CNTNAP5: variants seen among roughly 807,000 people sequenced by gnomAD.
CNTNAP5 encodes contactin-associated protein-like 5.
Under a neutral mutation model 150.2 loss-of-function variants are expected in CNTNAP5, and 72 were observed. That is an observed-to-expected ratio of 0.48 (90% confidence interval 0.40 to 0.58). CNTNAP5 has a LOEUF of 0.58. Ranked by LOEUF, CNTNAP5 falls within the 20% of genes least tolerant of loss-of-function variation. The pLI is 0.00. For missense variants in CNTNAP5, 1,636 were observed against 1,626.2 expected, an observed-to-expected ratio of 1.01 and a Z score of -0.10; for synonymous variants, 672 against 619.8, an observed-to-expected ratio of 1.08 and a Z score of -1.25.
chr2:124,720,582 A>G (rs1469001660), intron 13 of CNTNAP5, among the ~76,000 whole-genome samples: 1 of 152,174 alleles, frequency 6.6e-6, no homozygotes, highest in Non-Finnish European at 1.5e-5. Context: ...TTTTCAGGTG[A>G]CTCTACTGCG....
chr2:124,893,975 C>T (rs1678253281), intron 21 of CNTNAP5, among the ~76,000 whole-genome samples: 1 of 151,956 alleles, frequency 6.6e-6, no homozygotes, highest in Non-Finnish European at 1.5e-5. Context: ...TTAGATATAA[C>T]TCATCAAAAA....
At chr2:124,610,044 G>A (rs901124331) in intron 12 of CNTNAP5, 124 bp downstream of exon 12, 6 of 1,081,160 alleles carry the variant, frequency 5.5e-6, no homozygotes, top group Admixed American at 2.9e-5. Flanking sequence ...GTCTCCTTTG[G>A]GGAGGAAATG....
At chr2:124,108,774 C>T (rs1034322441) in intron 1 of CNTNAP5, among the ~76,000 whole-genome samples, 1 of 152,176 alleles carries the variant, frequency 6.6e-6, no homozygotes, top group Admixed American at 6.5e-5. Context: ...ACCACTTGTC[C>T]AGTACAGATA....
At chr2:124,300,308 C>T (rs4848928) in intron 3 of CNTNAP5, among the ~76,000 whole-genome samples, 106,606 of 152,090 alleles carry the variant, frequency 0.7, 37,853 homozygotes, top group East Asian at 0.91. Flanking sequence ...CAAACATTTC[C>T]GTAATCACAA....
At position 124,040,767 on chromosome 2, in the gene CNTNAP5, T is replaced by A. The variant is rs1573710854; in HGVS notation, c.82+15035T>A. ...GTGAGACTACAATAGAAATATTTCC[T>A]GTTGTTCTTATTATAACTGTTGCAT... On this transcript the variant is annotated intron_variant, in intron 1 of 23. Coordinates refer to ENST00000682447, the MANE Select transcript of CNTNAP5 (RefSeq NM_001367498.1). Among the ~76,000 whole-genome samples the A allele has an allele frequency of 3.3e-5, 5 of 152,056 alleles. No homozygotes were observed. In the South Asian group the frequency reaches 1.0e-3, roughly 32 times the overall value.
chr2:124,634,949 A>G (rs1352214453), intron 12 of CNTNAP5, among the ~76,000 whole-genome samples: 1 of 152,098 alleles, frequency 6.6e-6, no homozygotes, highest in Non-Finnish European at 1.5e-5. Flanking sequence ...GAGCCCTTCA[A>G]ACTGTTGCAA....
intron 6 of CNTNAP5, 132 bp downstream of exon 6, chr2:124,447,069 A>G (rs1469139072): frequency 5.0e-6 from 4 of 805,228 alleles, no homozygotes; most frequent in South Asian, 3.6e-5. Context: ...TACTTCCTCC[A>G]TCTATGCCAG....
chr2:124,639,192 G>A (rs1678038439), intron 12 of CNTNAP5, among the ~76,000 whole-genome samples: 1 of 152,160 alleles, frequency 6.6e-6, no homozygotes, highest in Admixed American at 6.5e-5. Context: ...AGTATAGCAT[G>A]GGATACTGAG....
intron 1 of CNTNAP5, among the ~76,000 whole-genome samples, chr2:124,150,220 C>A (rs967342797): frequency 6.6e-6 from 1 of 152,094 alleles, no homozygotes. Context: ...GATTTGTTTG[C>A]CCTACTATAT....
chr2:124,908,378 A>G (rs1573704858), intron 22 of CNTNAP5, among the ~76,000 whole-genome samples: 1 of 152,238 alleles, frequency 6.6e-6, no homozygotes, highest in East Asian at 1.9e-4. Flanking sequence ...CTCAATAAAA[A>G]GAAAAGAAAA....
intron 17 of CNTNAP5, among the ~76,000 whole-genome samples, chr2:124,786,365 AAGAAAG>A (rs1477814618): frequency 3.3e-5 from 2 of 61,294 alleles, no homozygotes; most frequent in African/African-American, 7.8e-5. Flanking sequence ...GAAAGAAAGA[AAGAAAG>A]AAAGAAAGAA....
At chr2:124,703,809 G>C (rs1679576219) in intron 13 of CNTNAP5, among the ~76,000 whole-genome samples, 1 of 152,200 alleles carries the variant, frequency 6.6e-6, no homozygotes, top group Non-Finnish European at 1.5e-5. Context: ...CATCAGAGAA[G>C]TCAGTGAATG....
At chr2:124,882,194 G>C (rs1677977771) in intron 21 of CNTNAP5, among the ~76,000 whole-genome samples, 1 of 152,080 alleles carries the variant, frequency 6.6e-6, no homozygotes, top group Middle Eastern at 3.2e-3. Flanking sequence ...CCACAGCTGA[G>C]TTCAGGGGCC....
chr2:124,479,906 A>G (rs367796583), intron 7 of CNTNAP5, among the ~76,000 whole-genome samples: 2 of 152,324 alleles, frequency 1.3e-5, no homozygotes, highest in South Asian at 4.1e-4. Flanking sequence ...TATCTACTTC[A>G]AAGTGTTAGT....
chr2:124,791,071 C>T (rs1170987620), intron 18 of CNTNAP5, among the ~76,000 whole-genome samples: 1 of 152,146 alleles, frequency 6.6e-6, no homozygotes, highest in African/African-American at 2.4e-5. Flanking sequence ...TGCAAACAAA[C>T]AATCAGAGCA....
intron 17 of CNTNAP5, among the ~76,000 whole-genome samples, chr2:124,780,548 C>CA (rs1681429262): frequency 6.6e-6 from 1 of 152,196 alleles, no homozygotes; most frequent in Non-Finnish European, 1.5e-5. Context: ...AAAGGGATTT[C>CA]AAAACCACAT....
intron 17 of CNTNAP5, among the ~76,000 whole-genome samples, chr2:124,783,447 CT>C (rs777261382): frequency 6.6e-6 from 1 of 152,110 alleles, no homozygotes; most frequent in Non-Finnish European, 1.5e-5. Flanking sequence ...ATTAATATTT[CT>C]GCTTGTAATC....
chr2:124,583,370 A>G lies in CNTNAP5; in HGVS notation c.1756+20047A>G, dbSNP rs138886680. On this transcript the variant is annotated intron_variant, in intron 11 of 23. Transcript: ENST00000682447. ...TGGTTATATGCTACCAATGTAAACT[A>G]AATATGTATCCACAGCATCATTTCC... Among the ~76,000 whole-genome samples the G allele has an allele frequency of 2.8e-3, 422 of 152,350 alleles. 2 individuals carry two copies. The highest frequency in any genetic ancestry group is 8.4e-3 in the African/African-American group (351 of 41,584).
chr2:124,163,646 T>C (rs1320388175), intron 1 of CNTNAP5, among the ~76,000 whole-genome samples: 3 of 152,084 alleles, frequency 2.0e-5, no homozygotes, highest in Non-Finnish European at 4.4e-5. Flanking sequence ...AGCAATGTGG[T>C]TTCCTCCCTT....
Sources: gnomAD v4.1 joint callset for allele counts (sites outside exome capture counted in the v4.1 genomes callset) on GRCh38, gnomAD v4.1.1 for gene constraint, MANE v1.5 for transcripts, NCBI Gene and HGNC (gene_info 2026-07-23, HGNC 2026-07-21) for gene names.